NLRP14: variants seen among roughly 807,000 people sequenced by gnomAD.
The protein encoded by NLRP14 is NLR family pyrin domain containing 14.
A neutral mutation model predicts 94.7 loss-of-function variants in NLRP14; 105 were observed. The observed-to-expected ratio is 1.11, with a 90% CI of 0.95 to 1.30. The LOEUF is 1.30. NLRP14 is among the 50% of genes most tolerant of loss of function. The pLI is 0.00. For missense variants in NLRP14, 1,362 were observed against 1,254.1 expected, an observed-to-expected ratio of 1.09 and a Z score of -1.30; for synonymous variants, 508 against 459.9, an observed-to-expected ratio of 1.10 and a Z score of -1.34.
At position 7,057,847 on chromosome 11, in the gene NLRP14, CGTGA is replaced by C. The variant is rs532721330; in HGVS notation, c.2462+4_2462+7del. 1.7e-3 allele frequency: 2,667 copies of C among 1,610,442 alleles called. 5 individuals carry two copies. The highest frequency in any genetic ancestry group is 1.9e-3 in the Non-Finnish European group (2,267 of 1,176,908). On this transcript the variant is annotated splice_donor_variant and splice_donor_region_variant and intron_variant, in intron 7 of 11. Coordinates refer to ENST00000299481, the MANE Select transcript of NLRP14 (RefSeq NM_176822.4). LOFTEE classifies it high-confidence loss of function. ...CCAAAGTGTTATCTAGAGAGACTGT[CGTGA>C]GTGTTTCTGTTTTGTTTTCTGTAGA...
At position 7,062,409 on chromosome 11, in the gene NLRP14, A is replaced by G. The variant is rs756110868; in HGVS notation, c.2881A>G (p.Ser961Gly). 2 of 1,613,182 alleles carry G rather than the reference A, an allele frequency of 1.2e-6. No individual in the cohort carries two copies. The highest frequency in any genetic ancestry group is 2.2e-5 in the South Asian group (2 of 91,062). ...TATTTTGAATAACCCAAACCTGAGG[A>G]GCCTGGACCTTGGGAACAACGATTT... The part of the protein sequence containing the change: ...SVILNNPNLR[S>G]LDLGNNDLQD... Residue 961 changes from serine to glycine, a missense_variant, in exon 10 of 12, where the codon AGC (serine) becomes GGC (glycine). Coordinates refer to ENST00000299481, the MANE Select transcript of NLRP14 (RefSeq NM_176822.4).
intron 10 of NLRP14, among the ~76,000 whole-genome samples, chr11:7,068,201 A>G (rs549248362): frequency 6.6e-6 from 1 of 152,270 alleles, no homozygotes; most frequent in East Asian, 1.9e-4. Flanking sequence ...ACTCTGTTGT[A>G]CATCTACATT....
intron 6 of NLRP14, among the ~76,000 whole-genome samples, chr11:7,054,029 C>T (rs150383363): frequency 0.031 from 4,720 of 152,112 alleles, 98 homozygotes; most frequent in Middle Eastern, 0.068. Flanking sequence ...TCATTTTTCA[C>T]TCCCACAAAT....
chr11:7,030,802 T>G (rs1852079918), intron 1 of NLRP14, among the ~76,000 whole-genome samples: 1 of 151,988 alleles, frequency 6.6e-6, no homozygotes, highest in Non-Finnish European at 1.5e-5. Context: ...GAAAGGTCCT[T>G]CAAAGCTGGG....
chr11:7,032,953 GC>G (rs1852117793), intron 1 of NLRP14, among the ~76,000 whole-genome samples: 1 of 151,576 alleles, frequency 6.6e-6, no homozygotes, highest in South Asian at 2.1e-4. Context: ...AGGACATAAG[GC>G]CCCCTTCATC....
chr11:7,034,760 T>G (rs937131259), intron 1 of NLRP14, among the ~76,000 whole-genome samples: 8 of 152,306 alleles, frequency 5.3e-5, no homozygotes, highest in Admixed American at 5.2e-4. Flanking sequence ...TTCTTTGCTG[T>G]TTTCTCCTCC....
At chr11:7,025,730 G>A (rs1293444727) in intron 1 of NLRP14, among the ~76,000 whole-genome samples, 1 of 152,082 alleles carries the variant, frequency 6.6e-6, no homozygotes, top group Non-Finnish European at 1.5e-5. Flanking sequence ...AAGAACTAAA[G>A]AAAGAGATTG....
At chr11:7,071,811 A>G (rs1349577133), downstream of NLRP14, among the ~76,000 whole-genome samples, 1 of 151,952 alleles carries the variant, frequency 6.6e-6, no homozygotes, top group East Asian at 2.0e-4. Context: ...AATGTCTGCT[A>G]CCAGCTAGCA....
chr11:7,042,409 A>G lies in NLRP14; in HGVS notation c.383A>G (p.Asn128Ser), dbSNP rs897554353. ...AVLGDGTEYR[N>S]RIKEKFCITW... is the part of the protein sequence containing the mutation. ...TTAGGTGATGGAACAGAATACAGAA[A>G]TAGAATAAAGGAAAAATTTTGCATC... Residue 128 changes from asparagine to serine, a missense_variant, in exon 4 of 12, where the codon AAT becomes AGT. Transcript: ENST00000299481. The G allele has an allele frequency of 1.9e-6, 3 of 1,613,902 alleles. No individual in the cohort carries two copies. In the African/African-American group the frequency reaches 4.0e-5, roughly 22 times the overall value.
the NLRP14 span, among the ~76,000 whole-genome samples, chr11:7,077,375 G>A: frequency 6.6e-6 from 1 of 152,228 alleles, no homozygotes; most frequent in Non-Finnish European, 1.5e-5. Flanking sequence ...CCCGCAGGGG[G>A]CAATTTCGCC....
At chr11:7,024,646 T>G (rs1851989927) in intron 1 of NLRP14, among the ~76,000 whole-genome samples, 1 of 152,214 alleles carries the variant, frequency 6.6e-6, no homozygotes, top group Non-Finnish European at 1.5e-5. Flanking sequence ...CTGTCACAAA[T>G]CTTTCATGAG....
the NLRP14 span, among the ~76,000 whole-genome samples, chr11:7,083,067 G>A: frequency 6.6e-6 from 1 of 152,240 alleles, no homozygotes. Context: ...GGGGAAGAAA[G>A]AAGAAAGTAT....
rs1050585949 is a variant in NLRP14 at position 7,057,593 on chromosome 11, C to T, written c.2292-84C>T. ...AGGCAAGATTCCAAAGATTAGGAAA[C>T]TTCCTACCTTTGGGATCGGTAGGTG... On this transcript the variant is annotated intron_variant, in intron 6 of 11. Coordinates refer to ENST00000299481, the MANE Select transcript of NLRP14 (RefSeq NM_176822.4). The T allele has an allele frequency of 3.1e-6, 4 of 1,302,876 alleles. No homozygotes were observed. In the African/African-American group the frequency reaches 4.3e-5, roughly 14 times the overall value. The allele number at this position is 1,302,876 out of a possible 1,614,324, so 80.7% of individuals were successfully genotyped here. A position where few individuals can be genotyped will look rare whatever the true frequency, so the allele number is the denominator to read the frequency against.
At chr11:7,031,660 C>G (rs563183083) in intron 1 of NLRP14, among the ~76,000 whole-genome samples, 1 of 152,318 alleles carries the variant, frequency 6.6e-6, no homozygotes, top group East Asian at 1.9e-4. Context: ...AGCCCCTCGC[C>G]TCTCTAACCA....
intron 5 of NLRP14, among the ~76,000 whole-genome samples, chr11:7,047,838 C>A (rs1254387081): frequency 6.9e-6 from 1 of 145,328 alleles, no homozygotes; most frequent in East Asian, 2.1e-4. Flanking sequence ...CGGCTCACTG[C>A]AACCTCCGCC....
Position 7,020,552 on chromosome 11 carries a change from A to C in NLRP14, c.-240A>C, listed in dbSNP as rs1411861591. 1 of 152,126 alleles carries C rather than the reference A, an allele frequency of 6.6e-6. No homozygotes were observed. 9.4% of individuals were successfully genotyped at this position (152,126 alleles called of 1,614,324 possible). A position where few individuals can be genotyped will look rare whatever the true frequency, so the allele number is the denominator to read the frequency against. On this transcript the variant is annotated 5_prime_UTR_variant, in exon 1 of 12. Coordinates refer to ENST00000299481, the MANE Select transcript of NLRP14 (RefSeq NM_176822.4). ...CGCACCAGCATTAATGGAATAGGAG[A>C]ACTCCCGAAGCTTTTAGGGCCCTGG...
chr11:7,048,960 A>G lies in NLRP14; in HGVS notation c.2124-711A>G, dbSNP rs537552434. On this transcript the variant is annotated intron_variant, in intron 5 of 11. Coordinates refer to ENST00000299481, the MANE Select transcript of NLRP14 (RefSeq NM_176822.4). ...ACTAGATGAGGATGGTTAGTGCTATAAATGGGTAAAGGCTTTATTTTCCTG... is the reference window on the plus strand; with the variant it reads ...ACTAGATGAGGATGGTTAGTGCTATGAATGGGTAAAGGCTTTATTTTCCTG... Among the ~76,000 whole-genome samples the G allele has an allele frequency of 3.9e-5, 6 of 152,000 alleles. No individual in the cohort carries two copies. In the East Asian group the frequency reaches 1.2e-3, roughly 29 times the overall value.
At chr11:7,064,469 TCTC>T (rs1852675140) in intron 10 of NLRP14, among the ~76,000 whole-genome samples, 2 of 152,070 alleles carry the variant, frequency 1.3e-5, no homozygotes, top group Admixed American at 6.6e-5. Context: ...AGTGAATTGT[TCTC>T]CTCACTCTCC....
rs371843041 is a variant in NLRP14 at position 7,043,669 on chromosome 11, T to A, written c.1643T>A (p.Phe548Tyr). The change falls in exon 4 of 12, where the codon TTT becomes TAT. Residue 548 changes from phenylalanine to tyrosine, a missense_variant. Transcript: ENST00000299481. ...CGAGTAAAACAACTGGAGAGGACTT[T>A]TAACTGTAAAATGTCACTGAAGATA... ...EDRVKQLERT[F>Y]NCKMSLKIKS... The A allele has an allele frequency of 1.9e-6, 3 of 1,614,036 alleles. No individual in the cohort carries two copies.
Sources: gnomAD v4.1 joint callset for allele counts (sites outside exome capture counted in the v4.1 genomes callset) on GRCh38, gnomAD v4.1.1 for gene constraint, MANE v1.5 for transcripts, NCBI Gene and HGNC (gene_info 2026-07-23, HGNC 2026-07-21) for gene names.